The following MDFIC variants were observed in gnomAD, a reference collection of about 807,000 sequenced individuals.
MDFIC encodes MyoD family inhibitor domain containing, also known as myoD family inhibitor domain-containing protein.
In MDFIC, 17 loss-of-function variants were observed where a neutral mutation model predicts 23.2. The observed-to-expected ratio is 0.73, with a 90% CI of 0.50 to 1.10. The LOEUF is 1.10. MDFIC is among the 50% of genes least tolerant of loss of function. The pLI, the probability that MDFIC is intolerant of heterozygous loss-of-function variation, is 0.00. For synonymous variants in MDFIC, 120 were observed against 115.2 expected (o/e 1.04, Z -0.27); for missense variants, 356 against 316.6 (o/e 1.12, Z -0.95).
intron 4 of MDFIC, among the ~76,000 whole-genome samples, chr7:114,991,564 A>G (rs944417185): frequency 6.6e-6 from 1 of 152,162 alleles, no homozygotes; most frequent in African/African-American, 2.4e-5. Context: ...AGCTTTCTAC[A>G]TGTGGCTAGC....
chr7:115,010,680 T>C (rs900037274), intron 4 of MDFIC, among the ~76,000 whole-genome samples: 1 of 152,220 alleles, frequency 6.6e-6, no homozygotes, highest in African/African-American at 2.4e-5. Flanking sequence ...GACTTTGTTT[T>C]AAAACAATGT....
rs75691260 is a variant in MDFIC at position 114,962,110 on chromosome 7, A to G, written c.218-17396A>G. 2.1e-3 allele frequency among the ~76,000 whole-genome samples: 315 copies of G among 152,264 alleles called. 3 individuals are homozygous for G. Among genetic ancestry groups the G allele is most frequent in the Middle Eastern group, 6.8e-3 (2 of 294 alleles). ...TTTTTTTCTAGATATCATGTCATAT[A>G]CACATTGTTTTTCTACATGTTGACA... On this transcript the variant is annotated intron_variant, in intron 3 of 4. Transcript: ENST00000393486.
chr7:114,954,142 A>T (rs1186583734), intron 3 of MDFIC, among the ~76,000 whole-genome samples: 1 of 152,190 alleles, frequency 6.6e-6, no homozygotes, highest in Non-Finnish European at 1.5e-5. Flanking sequence ...CACCCTGCAC[A>T]ACATATTGAT....
At chr7:115,008,051 G>T (rs1233045048) in intron 4 of MDFIC, among the ~76,000 whole-genome samples, 1 of 151,860 alleles carries the variant, frequency 6.6e-6, no homozygotes, top group South Asian at 2.1e-4. Context: ...TACTTGACCA[G>T]TGCTAGAGTT....
At chr7:115,004,199 C>T (rs1320061463) in intron 4 of MDFIC, among the ~76,000 whole-genome samples, 1 of 152,180 alleles carries the variant, frequency 6.6e-6, no homozygotes, top group Non-Finnish European at 1.5e-5. Flanking sequence ...TCAGGTTCCT[C>T]ATCTATAAAA....
intron 4 of MDFIC, among the ~76,000 whole-genome samples, chr7:114,991,984 A>G (rs1014608946): frequency 1.3e-5 from 2 of 152,246 alleles, no homozygotes; most frequent in Non-Finnish European, 2.9e-5. Context: ...GTGCATGAGC[A>G]TGAAATGTTC....
intron 4 of MDFIC, 63 bp downstream of exon 4, chr7:114,979,844 A>G (rs1284364992): frequency 6.5e-7 from 1 of 1,548,968 alleles, no homozygotes. Flanking sequence ...CCTGGTAATT[A>G]TTTGATCAAG....
intron 4 of MDFIC, among the ~76,000 whole-genome samples, chr7:114,988,123 G>A (rs976964679): frequency 1.3e-5 from 2 of 152,164 alleles, no homozygotes; most frequent in Non-Finnish European, 2.9e-5. Context: ...GGACTTCACC[G>A]TTGTTTTTTT....
At chr7:114,940,776 T>A (rs1186059893) in intron 2 of MDFIC, among the ~76,000 whole-genome samples, 2 of 152,188 alleles carry the variant, frequency 1.3e-5, no homozygotes, top group African/African-American at 4.8e-5. Context: ...TATGCAAAAA[T>A]ATATATTATT....
intron 3 of MDFIC, among the ~76,000 whole-genome samples, chr7:114,949,685 A>G (rs902410317): frequency 2.6e-5 from 4 of 152,232 alleles, no homozygotes; most frequent in Non-Finnish European, 5.9e-5. Context: ...CAAAGTTTAC[A>G]GTCTTGTGGG....
At chr7:114,951,411 A>G (rs536032285) in intron 3 of MDFIC, among the ~76,000 whole-genome samples, 1 of 152,324 alleles carries the variant, frequency 6.6e-6, no homozygotes, top group East Asian at 1.9e-4. Flanking sequence ...AGTCTTCTCC[A>G]TTTAGTCTAG....
At chr7:114,936,765 A>T (rs755792015) in intron 2 of MDFIC, among the ~76,000 whole-genome samples, 3 of 152,164 alleles carry the variant, frequency 2.0e-5, no homozygotes, top group Non-Finnish European at 4.4e-5. Context: ...CTGTTTTCTC[A>T]TCAGTAAAAC....
At chr7:114,924,305 TTAG>T (rs1323258327) in intron 2 of MDFIC, among the ~76,000 whole-genome samples, 1 of 152,224 alleles carries the variant, frequency 6.6e-6, no homozygotes, top group Admixed American at 6.5e-5. Context: ...AGGCATGCCC[TTAG>T]TAGTCATATC....
intron 4 of MDFIC, among the ~76,000 whole-genome samples, chr7:114,999,754 G>A (rs1023484841): frequency 3.4e-5 from 3 of 87,940 alleles, no homozygotes; most frequent in Non-Finnish European, 7.3e-5. Flanking sequence ...CTCCAGCTCA[G>A]GGGTCCTTAG....
At chr7:114,979,890 C>A in intron 4 of MDFIC, 109 bp downstream of exon 4, 1 of 1,335,572 alleles carries the variant, frequency 7.5e-7, no homozygotes, top group Non-Finnish European at 1.1e-6. Context: ...ATCCTTCAGA[C>A]AAACAGGAAT....
At chr7:114,980,510 A>G (rs1216306797) in intron 4 of MDFIC, among the ~76,000 whole-genome samples, 1 of 152,202 alleles carries the variant, frequency 6.6e-6, no homozygotes, top group East Asian at 1.9e-4. Flanking sequence ...TTATTAATCA[A>G]ATTGCACATG....
In MDFIC at chr7:114,922,936, G is replaced by T. The variant is rs757553625; in HGVS notation, c.-98G>T. On this transcript the variant is annotated 5_prime_UTR_variant, in exon 2 of 5. Transcript: ENST00000393486. The stretch of plus-strand genomic sequence containing the variant: ...TATATTTTTCCGCCAGAAGCAGTCA[G>T]TTCCCTGCACCCAGCACCTCACAGC... The T allele has an allele frequency of 1.3e-5, 20 of 1,592,986 alleles. No individual in the cohort carries two copies. Among genetic ancestry groups the T allele is most frequent in the Admixed American group, 1.2e-4 (7 of 58,906 alleles).
intron 2 of MDFIC, among the ~76,000 whole-genome samples, chr7:114,925,622 T>C (rs1387271467): frequency 6.6e-6 from 1 of 152,196 alleles, no homozygotes; most frequent in African/African-American, 2.4e-5. Flanking sequence ...AGGATAGATG[T>C]CAGACAGTAT....
In MDFIC at chr7:114,942,304, G is replaced by C; in HGVS notation, c.124G>C (p.Asp42His). 1 of 1,568,562 alleles carries C rather than the reference G, an allele frequency of 6.4e-7. No homozygotes were observed. The highest frequency in any genetic ancestry group is 2.3e-5 in the East Asian group (1 of 44,086). The change falls in exon 3 of 5, where the codon GAT becomes CAT. Residue 42 changes from aspartate (D) to histidine (H), a missense_variant. By Grantham distance (81) the Asp-to-His change is moderately conservative. Coordinates refer to ENST00000393486, the MANE Select transcript of MDFIC (RefSeq NM_001166345.3). ...GKCDKDNTEK[D>H]ITQATNSHFT... ...ATGTGATAAAGACAATACTGAGAAA[G>C]ATATAACTCAAGCTACCAATAGCCA...
Sources: gnomAD v4.1 joint callset for allele counts (sites outside exome capture counted in the v4.1 genomes callset) on GRCh38, gnomAD v4.1.1 for gene constraint, MANE v1.5 for transcripts, NCBI Gene and HGNC (gene_info 2026-07-23, HGNC 2026-07-21) for gene names.